Variants in BACE1 observed in about 807,000 individuals in gnomAD.
The protein encoded by BACE1 is APP beta-secretase.
BACE1 carries 21 observed loss-of-function variants against 54.0 expected under a neutral mutation model. That is an observed-to-expected ratio of 0.39 (90% CI 0.28 to 0.56). BACE1 has a LOEUF of 0.56. Among genes scored for constraint, BACE1 ranks in the 20% least tolerant of loss-of-function variants. The pLI is 0.63. For synonymous variants in BACE1, 232 were observed against 260.9 expected (o/e 0.89, Z 1.07); for missense variants, 511 against 661.2 (o/e 0.77, Z 2.49).
chr11:117,290,734 GCCCTT>G (rs1432749370), intron 7 of BACE1, 75 bp from the exon 8 acceptor site: 1 of 1,578,818 alleles, frequency 6.3e-7, no homozygotes, highest in African/African-American at 1.3e-5. Flanking sequence ...AGGCATCTAT[GCCCTT>G]CCCTTTACCA....
At position 117,315,088 on chromosome 11, in the gene BACE1, T is replaced by C. The variant is rs1286474196; in HGVS notation, c.261+447A>G. Among the ~76,000 whole-genome samples the C allele has an allele frequency of 1.3e-5, 2 of 152,106 alleles. No homozygotes were observed. The highest frequency in any genetic ancestry group is 1.9e-4 in the East Asian group (1 of 5,182). On this transcript the variant is annotated intron_variant, in intron 1 of 8. Coordinates refer to ENST00000313005, the MANE Select transcript of BACE1 (RefSeq NM_012104.6). The surrounding 1 kb of genome is among the most constrained non-coding windows in gnomAD (Gnocchi z 5.5). The stretch of plus-strand genomic sequence containing the variant: ...CTTATTCAACTGCTGCCAGGATTCC[T>C]TGGTCCTGGAGGTACTGGGAACAAT...
intron 1 of BACE1, among the ~76,000 whole-genome samples, chr11:117,297,962 G>T (rs1450172024): frequency 6.6e-6 from 1 of 152,168 alleles, no homozygotes; most frequent in African/African-American, 2.4e-5. Flanking sequence ...ATATTCTGGG[G>T]TAAAATATCT....
intron 1 of BACE1, among the ~76,000 whole-genome samples, chr11:117,307,203 G>C (rs769747641): frequency 6.6e-6 from 1 of 152,182 alleles, no homozygotes; most frequent in Non-Finnish European, 1.5e-5. Flanking sequence ...AAATGTTCTG[G>C]TTCCTTCCCA....
At chr11:117,291,648 TG>T in intron 6 of BACE1, 63 bp downstream of exon 6, 3 of 1,206,718 alleles carry the variant, frequency 2.5e-6, no homozygotes, top group Non-Finnish European at 1.2e-6. Context: ...CTGAAGAATG[TG>T]ACTCTCACCG....
intron 1 of BACE1, among the ~76,000 whole-genome samples, chr11:117,313,104 C>T (rs2034988991): frequency 6.6e-6 from 1 of 152,222 alleles, no homozygotes; most frequent in South Asian, 2.1e-4. Context: ...TCATTTGGCA[C>T]TTACAACAGC....
intron 8 of BACE1, 27 bp from the exon 9 acceptor site, chr11:117,289,834 C>T (rs762824277): frequency 1.9e-6 from 3 of 1,598,012 alleles, no homozygotes; most frequent in South Asian, 1.1e-5. Context: ...TGTGAATGGA[C>T]AGCTCTCATT....
At chr11:117,304,804 A>G (rs746332989) in intron 1 of BACE1, among the ~76,000 whole-genome samples, 14 of 152,144 alleles carry the variant, frequency 9.2e-5, no homozygotes, top group Non-Finnish European at 1.3e-4. Flanking sequence ...CCTGTCCCAC[A>G]GACTATGAGC....
intron 1 of BACE1, among the ~76,000 whole-genome samples, chr11:117,300,104 C>G (rs911632529): frequency 6.6e-6 from 1 of 152,022 alleles, no homozygotes; most frequent in African/African-American, 2.4e-5. Flanking sequence ...CCCTGAGGCC[C>G]TGGGCGCTCT....
At position 117,293,298 on chromosome 11, in the gene BACE1, A is replaced by G. The variant is rs761817517; in HGVS notation, c.706-110T>C. 6 of 1,147,582 alleles carry G rather than the reference A, an allele frequency of 5.2e-6. No homozygotes were observed. The highest frequency in any genetic ancestry group is 7.4e-6 in the Non-Finnish European group (6 of 814,070). The allele number at this position is 1,147,582 out of a possible 1,614,324, so 71.1% of individuals were successfully genotyped here. A position where few individuals can be genotyped will look rare whatever the true frequency, so the allele number is the denominator to read the frequency against. ...TTCTTGGGGTGGCAAGGTCTTCTAC[A>G]GGCTACCCTTTTCATCTTCCTGCTT... On this transcript the variant is annotated intron_variant, in intron 4 of 8. Coordinates refer to ENST00000313005, the MANE Select transcript of BACE1 (RefSeq NM_012104.6). The surrounding 1 kb of genome is among the most constrained non-coding windows in gnomAD (Gnocchi z 4.1).
intron 1 of BACE1, among the ~76,000 whole-genome samples, chr11:117,306,180 C>T (rs1056160363): frequency 1.3e-5 from 2 of 152,170 alleles, no homozygotes; most frequent in African/African-American, 2.4e-5. Context: ...CTCTGCTTCC[C>T]TCCCCTGCCT....
rs768227046 is a variant in BACE1 at position 117,289,442 on chromosome 11, T to C, written c.*124A>G. 6.9e-7 allele frequency: 1 copy of C among 1,450,670 alleles called. No homozygotes were observed. The highest frequency in any genetic ancestry group is 9.1e-7 in the Non-Finnish European group (1 of 1,094,458). The allele number at this position is 1,450,670 out of a possible 1,614,324, so 89.9% of individuals were successfully genotyped here. A position where few individuals can be genotyped will look rare whatever the true frequency, so the allele number is the denominator to read the frequency against. The stretch of plus-strand genomic sequence containing the variant: ...CCTTCTCCATCAAGGCAGAGGCATT[T>C]GGTGGGTGGGGAGGGTCCTGAGGTG... On this transcript the variant is annotated 3_prime_UTR_variant, in exon 9 of 9. Transcript: ENST00000313005.
intron 1 of BACE1, among the ~76,000 whole-genome samples, chr11:117,300,786 A>G (rs1404283852): frequency 6.6e-6 from 1 of 151,856 alleles, no homozygotes; most frequent in African/African-American, 2.4e-5. Context: ...CCTCACATAG[A>G]TACAGCCACC....
chr11:117,304,194 C>T (rs1314557459), intron 1 of BACE1, among the ~76,000 whole-genome samples: 1 of 152,158 alleles, frequency 6.6e-6, no homozygotes. Flanking sequence ...TTGGGAATTG[C>T]CCTCTTGGAA....
Position 117,293,392 on chromosome 11 carries a change from T to C in BACE1, c.706-204A>G. On this transcript the variant is annotated intron_variant, in intron 4 of 8. Transcript: ENST00000313005. The surrounding 1 kb of genome is among the most constrained non-coding windows in gnomAD (Gnocchi z 4.1). ...GTTCAGGAGAAAAGACTTTCCGGGA[T>C]TTTTAATTATTTGTTTCAGAATCAT... The C allele has an allele frequency of 2.2e-6, 1 of 462,600 alleles. No homozygotes were observed. 28.7% of individuals were successfully genotyped at this position (462,600 alleles called of 1,614,324 possible).
chr11:117,300,608 C>T (rs912511457), intron 1 of BACE1, among the ~76,000 whole-genome samples: 27 of 152,160 alleles, frequency 1.8e-4, no homozygotes, highest in African/African-American at 6.3e-4. Flanking sequence ...GTTCCCCTCT[C>T]GGGTCACTGA....
At chr11:117,294,909 A>C (rs1434775998) in intron 3 of BACE1, among the ~76,000 whole-genome samples, 3 of 152,016 alleles carry the variant, frequency 2.0e-5, no homozygotes, top group African/African-American at 7.2e-5. Flanking sequence ...TCTTAAGAGT[A>C]CATAGAAAGC....
intron 1 of BACE1, among the ~76,000 whole-genome samples, chr11:117,314,925 TAGACCGCG>T (rs1465785430): frequency 2.6e-5 from 4 of 151,570 alleles, no homozygotes; most frequent in Admixed American, 6.6e-5. Flanking sequence ...GGCCGGAGTG[TAGACCGCG>T]AGAGGGAGAA....
intron 1 of BACE1, among the ~76,000 whole-genome samples, chr11:117,308,284 T>C (rs1312302903): frequency 1.3e-5 from 2 of 152,324 alleles, no homozygotes; most frequent in Admixed American, 6.5e-5. Flanking sequence ...AATATTCTTT[T>C]CCTAATCATT....
At chr11:117,310,730 A>G (rs1331207189) in intron 1 of BACE1, among the ~76,000 whole-genome samples, 5 of 152,220 alleles carry the variant, frequency 3.3e-5, no homozygotes, top group Non-Finnish European at 7.3e-5. Context: ...CAGAGCTTGA[A>G]GTTTTATGAG....
Sources: gnomAD v4.1 joint callset for allele counts (sites outside exome capture counted in the v4.1 genomes callset) on GRCh38, gnomAD v4.1.1 for gene constraint, Gnocchi (gnomAD v3.1) non-coding constraint, MANE v1.5 for transcripts, NCBI Gene and HGNC (gene_info 2026-07-23, HGNC 2026-07-21) for gene names.